The following CAMKMT variants were observed in gnomAD, a reference collection of about 807,000 sequenced individuals.
CAMKMT encodes calmodulin-lysine N-methyltransferase.
In CAMKMT, 53 loss-of-function variants were observed where a neutral mutation model predicts 48.0. The ratio of observed to expected loss-of-function variants is 1.10; its 90% confidence interval spans 0.89 to 1.39. The LOEUF (loss-of-function observed/expected upper bound fraction) is 1.39, where lower values mean the gene tolerates loss of function less well. CAMKMT is among the 40% of genes most tolerant of loss of function. The pLI, the probability that CAMKMT is intolerant of heterozygous loss-of-function variation, is 0.00. For synonymous variants in CAMKMT, 165 were observed against 152.3 expected (o/e 1.08, Z -0.61); for missense variants, 428 against 402.7 (o/e 1.06, Z -0.54).
intron 3 of CAMKMT, among the ~76,000 whole-genome samples, chr2:44,400,089 C>G (rs1358377792): frequency 6.6e-6 from 1 of 151,958 alleles, no homozygotes; most frequent in Non-Finnish European, 1.5e-5. Flanking sequence ...CATTTGAATC[C>G]CAAGTCATAC....
chr2:44,571,178 G>T (rs889407975), intron 3 of CAMKMT, among the ~76,000 whole-genome samples: 1 of 152,110 alleles, frequency 6.6e-6, no homozygotes, highest in African/African-American at 2.4e-5. Context: ...CAATGTAAGG[G>T]AATTTAAGAG....
At chr2:44,495,346 G>T (rs1017512520) in intron 3 of CAMKMT, among the ~76,000 whole-genome samples, 1 of 151,860 alleles carries the variant, frequency 6.6e-6, no homozygotes, top group African/African-American at 2.4e-5. Context: ...ATCTTGCTAT[G>T]GTGCCCAGGC....
At position 44,543,010 on chromosome 2, in the gene CAMKMT, T is replaced by C. The variant is rs1334688089; in HGVS notation, c.376+152705T>C. On this transcript the variant is annotated intron_variant, in intron 3 of 10. Transcript: ENST00000378494. ...ACTTATTAAAATAGAGAACCGAGTT[T>C]AAGTATCATATAGCTTCTTAGATGC... is the stretch of plus-strand genomic sequence containing the variant. Among the ~76,000 whole-genome samples, 3 of 152,242 alleles carry C rather than the reference T, an allele frequency of 2.0e-5. No homozygotes were observed. The East Asian group carries it at 5.8e-4, about 29-fold the overall frequency.
chr2:44,717,842 TA>T (rs200492421), intron 7 of CAMKMT, among the ~76,000 whole-genome samples: 4,793 of 131,742 alleles, frequency 0.036, 105 homozygotes, highest in African/African-American at 0.076. Context: ...AAATGGTATT[TA>T]AAAAAAAAAA....
intron 3 of CAMKMT, among the ~76,000 whole-genome samples, chr2:44,592,548 AG>A (rs1670360871): frequency 6.6e-6 from 1 of 152,218 alleles, no homozygotes; most frequent in African/African-American, 2.4e-5. Context: ...ATGGCCCCAA[AG>A]TGCAAGACCA....
rs545542828 is a variant in CAMKMT, at chr2:44,517,300, T to C, written c.376+126995T>C. ...ACTGTGTCTGGAAACAATCTGTGTC[T>C]AGAAAGAAGTCTTCAATTTTGATTA... On this transcript the variant is annotated intron_variant, in intron 3 of 10. Coordinates refer to ENST00000378494, the MANE Select transcript of CAMKMT (RefSeq NM_024766.5). Among the ~76,000 whole-genome samples, 305 of 152,302 alleles carry C rather than the reference T, an allele frequency of 2.0e-3. 2 individuals are homozygous for C. Among genetic ancestry groups the C allele is most frequent in the Middle Eastern group, 6.8e-3 (2 of 294 alleles).
At chr2:44,611,955 GC>G (rs1671624011) in intron 3 of CAMKMT, among the ~76,000 whole-genome samples, 1 of 152,070 alleles carries the variant, frequency 6.6e-6, no homozygotes, top group African/African-American at 2.4e-5. Flanking sequence ...TGAGGGATCT[GC>G]CCCCATGATT....
At chr2:44,410,604 C>T (rs1214942041) in intron 3 of CAMKMT, among the ~76,000 whole-genome samples, 1 of 150,284 alleles carries the variant, frequency 6.7e-6, no homozygotes, top group Non-Finnish European at 1.5e-5. Context: ...CCAACATAGA[C>T]TCTGATGACT....
intron 3 of CAMKMT, among the ~76,000 whole-genome samples, chr2:44,512,622 A>T: frequency 6.6e-6 from 1 of 152,230 alleles, no homozygotes; most frequent in East Asian, 1.9e-4. Context: ...ATGTTTCTAA[A>T]CTACAATAAA....
At chr2:44,441,114 T>C (rs1478532142) in intron 3 of CAMKMT, among the ~76,000 whole-genome samples, 1 of 152,188 alleles carries the variant, frequency 6.6e-6, no homozygotes, top group African/African-American at 2.4e-5. Context: ...ACAATTTTTT[T>C]CTCACTTATT....
At chr2:44,492,149 A>G (rs1050991741) in intron 3 of CAMKMT, among the ~76,000 whole-genome samples, 1 of 152,120 alleles carries the variant, frequency 6.6e-6, no homozygotes, top group Non-Finnish European at 1.5e-5. Flanking sequence ...TAATGAAATT[A>G]TGTCCCTTAT....
At chr2:44,411,129 T>C (rs1183321065) in intron 3 of CAMKMT, among the ~76,000 whole-genome samples, 1 of 152,232 alleles carries the variant, frequency 6.6e-6, no homozygotes, top group Non-Finnish European at 1.5e-5. Context: ...TTTTTTAAAA[T>C]ACTTCTCTTG....
intron 3 of CAMKMT, among the ~76,000 whole-genome samples, chr2:44,523,218 G>A (rs1671212496): frequency 6.6e-6 from 1 of 151,870 alleles, no homozygotes; most frequent in Middle Eastern, 3.4e-3. Context: ...TCAAGAATTT[G>A]GGATAGTCAC....
At chr2:44,464,054 A>G (rs1234262759) in intron 3 of CAMKMT, among the ~76,000 whole-genome samples, 4 of 94,802 alleles carry the variant, frequency 4.2e-5, no homozygotes, top group Non-Finnish European at 7.8e-5. Flanking sequence ...AAGAAGCTCA[A>G]TGTGTTACAA....
In CAMKMT at chr2:44,482,280, G is replaced by T. The variant is rs1669011546; in HGVS notation, c.376+91975G>T. ...TTTTTCTGTTTAACCTAGTGTCCAT[G>T]TGTACGTATTGTACATATGACTAGT... On this transcript the variant is annotated intron_variant, in intron 3 of 10. Transcript: ENST00000378494. 1.3e-5 allele frequency among the ~76,000 whole-genome samples: 2 copies of T among 152,118 alleles called. 1 individual carries two copies. The highest frequency in any genetic ancestry group is 4.1e-4 in the South Asian group (2 of 4,830).
At chr2:44,718,984 T>C (rs1678319627) in intron 7 of CAMKMT, among the ~76,000 whole-genome samples, 1 of 152,174 alleles carries the variant, frequency 6.6e-6, no homozygotes, top group East Asian at 1.9e-4. Flanking sequence ...CTCAGTTTCC[T>C]TTAGAGGTTA....
chr2:44,616,732 T>C (rs536488871), intron 3 of CAMKMT, among the ~76,000 whole-genome samples: 1 of 152,246 alleles, frequency 6.6e-6, no homozygotes, highest in East Asian at 1.9e-4. Context: ...TTAGATTAGG[T>C]TGGCCTTTCT....
intron 3 of CAMKMT, among the ~76,000 whole-genome samples, chr2:44,626,835 C>G (rs777697206): frequency 3.9e-5 from 6 of 152,192 alleles, no homozygotes; most frequent in Non-Finnish European, 8.8e-5. Flanking sequence ...GACAATTTTA[C>G]TTCACCCTTT....
chr2:44,681,990 C>G (rs115899498), intron 3 of CAMKMT, among the ~76,000 whole-genome samples: 1 of 152,202 alleles, frequency 6.6e-6, no homozygotes, highest in Non-Finnish European at 1.5e-5. Flanking sequence ...AGCTAATCCT[C>G]GGTCTCGATA....
Sources: allele counts gnomAD v4.1 joint callset (sites outside exome capture counted in the v4.1 genomes callset), GRCh38; gene constraint gnomAD v4.1.1; transcripts MANE v1.5; gene names NCBI Gene and HGNC (gene_info 2026-07-23, HGNC 2026-07-21).